ATP1B1: variants seen among roughly 807,000 people sequenced by gnomAD.
ATP1B1 encodes the protein sodium/potassium-transporting ATPase subunit beta-1.
Under a neutral mutation model 39.6 loss-of-function variants are expected in ATP1B1, and 3 were observed. That is an observed-to-expected ratio of 0.08 (90% CI 0.03 to 0.20). ATP1B1 has a LOEUF of 0.20. Ranked by LOEUF, ATP1B1 falls within the 10% of genes least tolerant of loss-of-function variation. The probability of loss-of-function intolerance (pLI) is 1.00; values close to 1 mark genes in which losing one functional copy is unlikely to be tolerated. For synonymous variants in ATP1B1, 139 were observed against 135.0 expected (o/e 1.03, Z -0.20); for missense variants, 216 against 371.1 (o/e 0.58, Z 3.43).
At chr1:169,118,557 G>A (rs1331091958) in intron 2 of ATP1B1, among the ~76,000 whole-genome samples, 1 of 152,120 alleles carries the variant, frequency 6.6e-6, no homozygotes, top group Non-Finnish European at 1.5e-5. Flanking sequence ...ACTCACAGAT[G>A]TAAAACAAAA....
intron 3 of ATP1B1, 100 bp from the exon 4 acceptor site, chr1:169,127,124 C>T: frequency 7.8e-7 from 1 of 1,279,478 alleles, no homozygotes; most frequent in Non-Finnish European, 1.0e-6. Context: ...GAATAGCGTA[C>T]TCTCAGAATA....
At chr1:169,107,166 T>G (rs1657614003) in intron 1 of ATP1B1, among the ~76,000 whole-genome samples, 1 of 152,168 alleles carries the variant, frequency 6.6e-6, no homozygotes, top group Non-Finnish European at 1.5e-5. Flanking sequence ...GTTATGCATA[T>G]CGTAGCGATC....
Position 169,131,761 on chromosome 1 carries a change from C to G in ATP1B1, c.*206C>G, listed in dbSNP as rs1049033338. The G allele has an allele frequency of 7.5e-6, 5 of 668,286 alleles. No homozygotes were observed. In the Admixed American group the frequency reaches 1.8e-4, roughly 24 times the overall value. The allele number at this position is 668,286 out of a possible 1,614,324, so 41.4% of individuals were successfully genotyped here. A position where few individuals can be genotyped will look rare whatever the true frequency, so the allele number is the denominator to read the frequency against. On this transcript the variant is annotated 3_prime_UTR_variant, in exon 6 of 6. Coordinates refer to ENST00000367815, the MANE Select transcript of ATP1B1 (RefSeq NM_001677.4). The surrounding 1 kb of genome is among the most constrained non-coding windows in gnomAD (Gnocchi z 4.4). Reference sequence around the variant, plus strand: ...AAAATATTTATTCTACTGTAAATGACAAAAGAAAAAGAAAAATTGAGCCTT... The same window carrying G: ...AAAATATTTATTCTACTGTAAATGAGAAAAGAAAAAGAAAAATTGAGCCTT...
At chr1:169,113,264 C>T (rs1160520597) in intron 2 of ATP1B1, among the ~76,000 whole-genome samples, 2 of 152,126 alleles carry the variant, frequency 1.3e-5, no homozygotes, top group East Asian at 3.9e-4. Flanking sequence ...CAAGGTTTCA[C>T]CATGTTGGCC....
rs137855243 is a variant in ATP1B1, at chr1:169,123,571, C to CTA, written c.227-1309_227-1308dup. On this transcript the variant is annotated intron_variant, in intron 2 of 5. Transcript: ENST00000367815. The stretch of plus-strand genomic sequence containing the variant: ...CACTTAAGTTTGAATTTCAGTTAAA[C>CTA]TATATCTCTCTCTCTATATATATAT... Among the ~76,000 whole-genome samples, 651 of 147,654 alleles carry CTA rather than the reference C, an allele frequency of 4.4e-3. 5 individuals carry two copies. Among genetic ancestry groups the CTA allele is most frequent in the African/African-American group, 0.015 (614 of 39,856 alleles).
chr1:169,122,796 G>A (rs181090038), intron 2 of ATP1B1, among the ~76,000 whole-genome samples: 2 of 123,176 alleles, frequency 1.6e-5, no homozygotes, highest in Non-Finnish European at 3.2e-5. Flanking sequence ...TTGCTAGGTT[G>A]CCTGGGCTGG....
At chr1:169,120,184 G>T (rs945896839) in intron 2 of ATP1B1, among the ~76,000 whole-genome samples, 3 of 152,158 alleles carry the variant, frequency 2.0e-5, no homozygotes, top group Non-Finnish European at 4.4e-5. Flanking sequence ...TGTGAGGAAA[G>T]AGAGCAGAAG....
chr1:169,107,730 CT>C (rs1200461152), intron 1 of ATP1B1, among the ~76,000 whole-genome samples: 8 of 150,084 alleles, frequency 5.3e-5, no homozygotes, highest in Non-Finnish European at 1.0e-4. Context: ...AATTAGATTT[CT>C]TGTTTTCAGC....
rs12079745 is a variant in ATP1B1, at chr1:169,131,822, G to A, written c.*267G>A. The A allele has an allele frequency of 0.12, 54,366 of 448,764 alleles. 8,320 individuals carry two copies. The highest frequency in any genetic ancestry group is 0.7 in the East Asian group (16,763 of 23,802). 27.8% of individuals were successfully genotyped at this position (448,764 alleles called of 1,614,324 possible). A position where few individuals can be genotyped will look rare whatever the true frequency, so the allele number is the denominator to read the frequency against. ...CATTTTTACTGTAAATTATGATTCC[G>A]TAACTGACTTGTAGTAAGCAGTGTT... On this transcript the variant is annotated 3_prime_UTR_variant, in exon 6 of 6. Transcript: ENST00000367815. The surrounding 1 kb of genome is among the most constrained non-coding windows in gnomAD (Gnocchi z 4.4).
intron 2 of ATP1B1, among the ~76,000 whole-genome samples, chr1:169,112,233 G>A (rs557759882): frequency 2.0e-5 from 3 of 152,358 alleles, no homozygotes; most frequent in South Asian, 4.1e-4. Flanking sequence ...ACTGCCACAC[G>A]AGTCCCTGCT....
intron 1 of ATP1B1, chr1:169,110,675 G>T (rs1200447837): frequency 7.9e-6 from 10 of 1,270,584 alleles, no homozygotes; most frequent in Non-Finnish European, 1.0e-5. Flanking sequence ...CATTATTCTT[G>T]TTCCAGTTCC....
At chr1:169,130,265 A>G (rs1658179484) in intron 5 of ATP1B1, among the ~76,000 whole-genome samples, 175 bp downstream of exon 5, 1 of 152,204 alleles carries the variant, frequency 6.6e-6, no homozygotes, top group Non-Finnish European at 1.5e-5. Flanking sequence ...AAACTTTTTA[A>G]AAGAACAGAA....
intron 2 of ATP1B1, among the ~76,000 whole-genome samples, chr1:169,124,370 TTTGGAATGG>T (rs1365633894): frequency 1.4e-4 from 21 of 152,180 alleles, no homozygotes; most frequent in African/African-American, 5.1e-4. Context: ...GTCTAGAGAA[TTTGGAATGG>T]TTATACATTT....
chr1:169,132,157 G>T lies in ATP1B1; in HGVS notation c.*602G>T. On this transcript the variant is annotated 3_prime_UTR_variant, in exon 6 of 6. Transcript: ENST00000367815. ...TATTTTTTTCCTGGGGGCTGGGGTGGGGGTTTGTCATGGGGGAACTGCCCT... is the reference window on the plus strand; with the variant it reads ...TATTTTTTTCCTGGGGGCTGGGGTGTGGGTTTGTCATGGGGGAACTGCCCT... 1 of 629,834 alleles carries T rather than the reference G, an allele frequency of 1.6e-6. No individual in the cohort carries two copies. The highest frequency in any genetic ancestry group is 3.0e-6 in the Non-Finnish European group (1 of 330,978). 39.0% of individuals were successfully genotyped at this position (629,834 alleles called of 1,614,324 possible).
At chr1:169,125,874 C>A (rs1418828434) in intron 3 of ATP1B1, among the ~76,000 whole-genome samples, 1 of 152,094 alleles carries the variant, frequency 6.6e-6, no homozygotes, top group Non-Finnish European at 1.5e-5. Flanking sequence ...ACTTGGGAGG[C>A]TGAAGTGGGA....
In ATP1B1 at chr1:169,131,437, A is replaced by T; in HGVS notation, c.794A>T (p.Asn265Ile). 1 of 1,614,172 alleles carries T rather than the reference A, an allele frequency of 6.2e-7. No individual in the cohort carries two copies. Among genetic ancestry groups the T allele is most frequent in the Non-Finnish European group, 8.5e-7 (1 of 1,180,036 alleles). Residue 265 changes from asparagine to isoleucine, a missense_variant, in exon 6 of 6, where the codon AAT (asparagine) becomes ATT (isoleucine). Coordinates refer to ENST00000367815, the MANE Select transcript of ATP1B1 (RefSeq NM_001677.4). This position sits in a 1 kb window ranked among gnomAD's most constrained non-coding sequence, Gnocchi z 4.4. ...CCCCTGCTGGCCGTACAGTTCACCA[A>T]TCTTACCATGGACACTGAAATTCGC... ...LQPLLAVQFT[N>I]LTMDTEIRIE...
In ATP1B1 at chr1:169,123,125, C is replaced by T. The variant is rs138756124; in HGVS notation, c.227-1759C>T. On this transcript the variant is annotated intron_variant, in intron 2 of 5. Coordinates refer to ENST00000367815, the MANE Select transcript of ATP1B1 (RefSeq NM_001677.4). The stretch of plus-strand genomic sequence containing the variant: ...GCCTTACTGATGCCTGCTTCTCAAG[C>T]CCTACAAATGGTGCTGCACTCTAGT... 3.3e-3 allele frequency among the ~76,000 whole-genome samples: 496 copies of T among 152,264 alleles called. 2 individuals are homozygous for T. Among genetic ancestry groups the T allele is most frequent in the African/African-American group, 0.011 (459 of 41,550 alleles).
chr1:169,130,557 G>T (rs12406341), intron 5 of ATP1B1, among the ~76,000 whole-genome samples: 15,562 of 152,060 alleles, frequency 0.1, 1,058 homozygotes, highest in Admixed American at 0.21. Context: ...GGGAGGCCGA[G>T]ATGGGCAGAT....
intron 2 of ATP1B1, among the ~76,000 whole-genome samples, chr1:169,121,474 T>C (rs3766039): frequency 0.52 from 79,180 of 152,002 alleles, 21,136 homozygotes; most frequent in East Asian, 0.69. Flanking sequence ...GACTTGACAT[T>C]GTGAAGGAAT....
Sources: allele counts gnomAD v4.1 joint callset (sites outside exome capture counted in the v4.1 genomes callset), GRCh38; gene constraint gnomAD v4.1.1; non-coding constraint Gnocchi (gnomAD v3.1); transcripts MANE v1.5; gene names NCBI Gene and HGNC (gene_info 2026-07-23, HGNC 2026-07-21).